Variants in VPS37A observed in about 807,000 individuals in gnomAD.
The protein encoded by VPS37A is VPS37A subunit of ESCRT-I, also known as vacuolar protein sorting-associated protein 37A.
Under a neutral mutation model 49.8 loss-of-function variants are expected in VPS37A, and 30 were observed. That is an observed-to-expected ratio of 0.60 (90% CI 0.45 to 0.82). The LOEUF (loss-of-function observed/expected upper bound fraction) is 0.82, where lower values mean the gene tolerates loss of function less well. Among genes scored for constraint, VPS37A ranks in the 40% least tolerant of loss-of-function variants. VPS37A has a pLI of 0.00. For synonymous variants in VPS37A, 195 were observed against 160.6 expected (o/e 1.21, Z -1.62); for missense variants, 593 against 464.4 (o/e 1.28, Z -2.55).
the VPS37A span, among the ~76,000 whole-genome samples, chr8:17,307,560 C>T: frequency 6.6e-6 from 1 of 152,152 alleles, no homozygotes; most frequent in African/African-American, 2.4e-5. Context: ...GATTATAAAT[C>T]ATGCTGCTAT....
the VPS37A span, chr8:17,313,191 G>C: frequency 2.5e-6 from 2 of 802,084 alleles, no homozygotes; most frequent in East Asian, 2.5e-5. Flanking sequence ...AGTCAGTGCA[G>C]TGCAGCTTAA....
chr8:17,299,162 G>A (rs993656797), downstream of VPS37A: 7 of 152,146 alleles, frequency 4.6e-5, no homozygotes, highest in African/African-American at 7.2e-5. Context: ...CTTCTACCTC[G>A]TTAGCTATTA....
At chr8:17,262,164 A>T (rs770394258) in intron 1 of VPS37A, among the ~76,000 whole-genome samples, 22 of 152,202 alleles carry the variant, frequency 1.4e-4, no homozygotes, top group Non-Finnish European at 2.2e-4. Context: ...CCATCTGCTC[A>T]GAGTTTTTTC....
chr8:17,332,061 G>A, the VPS37A span, among the ~76,000 whole-genome samples: 1 of 152,108 alleles, frequency 6.6e-6, no homozygotes, highest in South Asian at 2.1e-4. Context: ...ACTTTAGCTG[G>A]GAAATGCATC....
At chr8:17,271,621 T>G (rs569892408) in intron 4 of VPS37A, among the ~76,000 whole-genome samples, 1 of 152,086 alleles carries the variant, frequency 6.6e-6, no homozygotes, top group Non-Finnish European at 1.5e-5. Context: ...AAAAAATGCT[T>G]ATGATTTCTT....
rs1253480939 is a variant in VPS37A, at chr8:17,276,378, A to C, written c.643-19A>C. On this transcript the variant is annotated intron_variant, in intron 5 of 11. Transcript: ENST00000324849. ...AAAATAATGGCTGAAATTTAATATC[A>C]TTTAAAACTTTTCTTTAGACAAGCC... 6.9e-6 allele frequency: 11 copies of C among 1,602,900 alleles called. No homozygotes were observed. The highest frequency in any genetic ancestry group is 2.7e-5 in the African/African-American group (2 of 74,266).
intron 1 of VPS37A, among the ~76,000 whole-genome samples, chr8:17,253,315 C>G (rs1039954721): frequency 2.0e-5 from 3 of 152,218 alleles, no homozygotes; most frequent in Non-Finnish European, 2.9e-5. Flanking sequence ...TCTCTGCCTC[C>G]AGCCTTTTTC....
At chr8:17,249,992 A>G (rs1341004652) in intron 1 of VPS37A, among the ~76,000 whole-genome samples, 1 of 152,072 alleles carries the variant, frequency 6.6e-6, no homozygotes. Flanking sequence ...GTTTGTTCAG[A>G]TTTTTCTTGG....
downstream of VPS37A, chr8:17,302,044 C>T: frequency 6.9e-7 from 1 of 1,446,848 alleles, no homozygotes; most frequent in East Asian, 2.3e-5. Context: ...GTTCTACTGA[C>T]TAAAAATGTG....
rs1586110859 is a variant in VPS37A, at chr8:17,297,525, T to C, written c.*2539T>C. 1 of 150,820 alleles carries C rather than the reference T, an allele frequency of 6.6e-6. No homozygotes were observed. Among genetic ancestry groups the C allele is most frequent in the African/African-American group, 2.5e-5 (1 of 40,770 alleles). 9.3% of individuals were successfully genotyped at this position (150,820 alleles called of 1,614,324 possible). On this transcript the variant is annotated 3_prime_UTR_variant, in exon 12 of 12. Coordinates refer to ENST00000324849, the MANE Select transcript of VPS37A (RefSeq NM_152415.3). Reference sequence around the variant, plus strand: ...TCCATTCTATAAAAAGCTCAGTTACTGATTTGCTGGGTCATGGTCAAAATT... The same window carrying C: ...TCCATTCTATAAAAAGCTCAGTTACCGATTTGCTGGGTCATGGTCAAAATT...
chr8:17,309,459 C>T, the VPS37A span: 2 of 682,974 alleles, frequency 2.9e-6, no homozygotes, highest in South Asian at 1.6e-5. Flanking sequence ...AATGCATGAA[C>T]AGGCATTATC....
chr8:17,330,278 T>C, the VPS37A span, among the ~76,000 whole-genome samples: 1 of 152,218 alleles, frequency 6.6e-6, no homozygotes, highest in Non-Finnish European at 1.5e-5. Flanking sequence ...AGAGCCTGCA[T>C]TTCCCATCAA....
chr8:17,327,108 G>A, the VPS37A span, among the ~76,000 whole-genome samples: 1 of 152,278 alleles, frequency 6.6e-6, no homozygotes, highest in African/African-American at 2.4e-5. Flanking sequence ...ATTCTCCCAT[G>A]TTAGTACATA....
At chr8:17,273,523 C>T (rs541795303) in intron 4 of VPS37A, among the ~76,000 whole-genome samples, 18 of 152,174 alleles carry the variant, frequency 1.2e-4, no homozygotes, top group Non-Finnish European at 2.5e-4. Context: ...CCCACCACTA[C>T]GCCCAGCTAA....
At chr8:17,325,765 C>T in the VPS37A span, among the ~76,000 whole-genome samples, 1 of 144,410 alleles carries the variant, frequency 6.9e-6, no homozygotes, top group Admixed American at 6.7e-5. Flanking sequence ...GAGACAAACA[C>T]TTCTGAAACT....
downstream of VPS37A, chr8:17,305,613 G>A: frequency 1.5e-6 from 1 of 659,270 alleles, no homozygotes. Flanking sequence ...AATGACACCA[G>A]GAAAAAGAAA....
chr8:17,290,253 T>C (rs1407837275), intron 11 of VPS37A, among the ~76,000 whole-genome samples: 1 of 151,420 alleles, frequency 6.6e-6, no homozygotes, highest in Non-Finnish European at 1.5e-5. Context: ...GGAGTTGTCT[T>C]GTGCCAGTTT....
the VPS37A span, among the ~76,000 whole-genome samples, chr8:17,307,680 T>TA: frequency 2.6e-5 from 4 of 152,182 alleles, no homozygotes; most frequent in African/African-American, 9.7e-5. Flanking sequence ...ATGTGGCACA[T>TA]ATACACCATG....
intron 1 of VPS37A, among the ~76,000 whole-genome samples, chr8:17,263,922 C>T (rs1178187710): frequency 6.6e-6 from 1 of 152,148 alleles, no homozygotes; most frequent in Non-Finnish European, 1.5e-5. Flanking sequence ...GCCTGGGCAA[C>T]AGAGCGAAAC....
Sources: gnomAD v4.1 joint callset for allele counts (sites outside exome capture counted in the v4.1 genomes callset) on GRCh38, gnomAD v4.1.1 for gene constraint, MANE v1.5 for transcripts, NCBI Gene and HGNC (gene_info 2026-07-23, HGNC 2026-07-21) for gene names.